The following CPEB1 variants were observed in gnomAD, a reference collection of about 807,000 sequenced individuals.
The protein encoded by CPEB1 is cytoplasmic polyadenylation element-binding protein 1.
In CPEB1, 7 loss-of-function variants were observed where a neutral mutation model predicts 65.8. That is an observed-to-expected ratio of 0.11 (90% CI 0.06 to 0.20). The LOEUF (loss-of-function observed/expected upper bound fraction) is 0.20. Ranked by LOEUF, CPEB1 falls within the 10% of genes least tolerant of loss-of-function variation. The pLI, the probability that CPEB1 is intolerant of heterozygous loss-of-function variation, is 1.00. For synonymous variants in CPEB1, 262 were observed against 260.0 expected (o/e 1.01, Z -0.08); for missense variants, 551 against 712.2 (o/e 0.77, Z 2.58).
chr15:82,571,243 G>T, intron 4 of CPEB1, 101 bp downstream of exon 4: 1 of 1,419,282 alleles, frequency 7.0e-7, no homozygotes, highest in Non-Finnish European at 9.4e-7. Flanking sequence ...GTATGGTGGG[G>T]AGTGATGCAA....
At chr15:82,625,528 C>T (rs1446141433) in intron 3 of CPEB1, among the ~76,000 whole-genome samples, 2 of 152,114 alleles carry the variant, frequency 1.3e-5, no homozygotes, top group African/African-American at 4.8e-5. Flanking sequence ...GGAATTGGTT[C>T]CAGGACCCCC....
chr15:82,591,009 T>A (rs1486086565), intron 3 of CPEB1, among the ~76,000 whole-genome samples: 1 of 152,238 alleles, frequency 6.6e-6, no homozygotes, highest in Non-Finnish European at 1.5e-5. Context: ...TAAAACGATT[T>A]ATATTCCTTT....
At chr15:82,571,707 G>C in intron 3 of CPEB1, 175 bp from the exon 4 acceptor site, 1 of 1,430,450 alleles carries the variant, frequency 7.0e-7, no homozygotes, top group Non-Finnish European at 9.1e-7. Flanking sequence ...GGCAAGAGCA[G>C]TTGCCATACA....
intron 6 of CPEB1, among the ~76,000 whole-genome samples, chr15:82,554,575 C>CCATT (rs2036861005): frequency 6.6e-6 from 1 of 152,218 alleles, no homozygotes; most frequent in Non-Finnish European, 1.5e-5. Flanking sequence ...CCCAAATAGA[C>CCATT]AATGGGCCTT....
chr15:82,557,404 A>C (rs1049803818), intron 5 of CPEB1: 6 of 230,182 alleles, frequency 2.6e-5, no homozygotes, highest in African/African-American at 1.3e-4. Context: ...CATAAATGAC[A>C]CTGTTTAAGG....
rs185094805 is a variant in CPEB1 at position 82,598,529 on chromosome 15, A to T, written c.272-26997T>A. 1.4e-4 allele frequency among the ~76,000 whole-genome samples: 22 copies of T among 152,092 alleles called. No homozygotes were observed. The East Asian group carries it at 3.5e-3, about 24-fold the overall frequency. The stretch of plus-strand genomic sequence containing the variant: ...GCTGGGCGCAGTGGTTCACGCCTAT[A>T]ATCTCAGTATTTTGGGAGGCGGAGG... On this transcript the variant is annotated intron_variant, in intron 3 of 12. Transcript: ENST00000684509.
chr15:82,557,837 C>A lies in CPEB1; in HGVS notation c.610G>T (p.Asp204Tyr). The change falls in exon 5 of 13, where the codon GAC becomes TAC. Residue 204 changes from aspartate to tyrosine, a missense_variant. Transcript: ENST00000684509. ...GSRLDTRPIL[D>Y]SRSSSPSDSD... ...TCAGAGGGGCTGCTAGATCGAGAGT[C>A]CAGGATGGGCCGGGTGTCCAGGCGT... 6.2e-7 allele frequency: 1 copy of A among 1,614,130 alleles called. No individual in the cohort carries two copies. The highest frequency in any genetic ancestry group is 8.5e-7 in the Non-Finnish European group (1 of 1,180,018).
intron 1 of CPEB1, chr15:82,630,195 C>T (rs1464163230): frequency 1.9e-5 from 12 of 623,836 alleles, no homozygotes; most frequent in Non-Finnish European, 2.2e-5. Context: ...CCTTGGCCTC[C>T]TGAGTAGCTG....
rs190719606 is a variant in CPEB1 at position 82,619,534 on chromosome 15, T to A, written c.271+7659A>T. ...ACTCAAAGAAAATAATTTTAATACA[T>A]ATTTCAGACAAAGAACTCATATGTG... On this transcript the variant is annotated intron_variant, in intron 3 of 12. Transcript: ENST00000684509. Among the ~76,000 whole-genome samples the A allele has an allele frequency of 1.0e-3, 158 of 152,290 alleles. 1 individual carries two copies. The highest frequency in any genetic ancestry group is 3.7e-3 in the African/African-American group (153 of 41,566).
intron 3 of CPEB1, among the ~76,000 whole-genome samples, chr15:82,584,613 G>A (rs2041602143): frequency 6.6e-6 from 1 of 150,416 alleles, no homozygotes; most frequent in South Asian, 2.1e-4. Flanking sequence ...GGGAGGAGGA[G>A]GTTACAGTGA....
chr15:82,628,289 T>C (rs555797882), intron 2 of CPEB1, 75 bp downstream of exon 2: 219 of 702,504 alleles, frequency 3.1e-4, no homozygotes, highest in African/African-American at 2.3e-3. Flanking sequence ...AAAGAAACTG[T>C]AGATATGACA....
rs544832950 is a variant in CPEB1, at chr15:82,610,334, G to A, written c.271+16859C>T. Among the ~76,000 whole-genome samples, 21 of 152,170 alleles carry A rather than the reference G, an allele frequency of 1.4e-4. No homozygotes were observed. In the South Asian group the frequency reaches 1.5e-3, roughly 11 times the overall value. On this transcript the variant is annotated intron_variant, in intron 3 of 12. Transcript: ENST00000684509. ...ATGTACTTTTCCAAAAAGCAGACGAGGAGGGAACACTTTACAACTCAGTCA... is the reference window on the plus strand; with the variant it reads ...ATGTACTTTTCCAAAAAGCAGACGAAGAGGGAACACTTTACAACTCAGTCA...
At chr15:82,600,356 C>G (rs891614439) in intron 3 of CPEB1, among the ~76,000 whole-genome samples, 1 of 152,036 alleles carries the variant, frequency 6.6e-6, no homozygotes, top group Non-Finnish European at 1.5e-5. Flanking sequence ...AAAGATCATT[C>G]ACTGCCAGCA....
intron 3 of CPEB1, among the ~76,000 whole-genome samples, chr15:82,620,282 G>A (rs894688690): frequency 2.0e-5 from 3 of 151,948 alleles, no homozygotes; most frequent in East Asian, 1.9e-4. Flanking sequence ...AAAATTAGCC[G>A]GGTGTGGTGG....
At chr15:82,628,307 G>T in intron 2 of CPEB1, 57 bp downstream of exon 2, 1 of 702,432 alleles carries the variant, frequency 1.4e-6, no homozygotes, top group East Asian at 2.7e-5. Context: ...ACAAAAAAAG[G>T]TTGGGAGTGA....
chr15:82,569,202 G>A (rs572558464), intron 4 of CPEB1, among the ~76,000 whole-genome samples: 11 of 152,282 alleles, frequency 7.2e-5, no homozygotes, highest in African/African-American at 2.6e-4. Context: ...GCTGGCTGGT[G>A]GGAGGGCTGC....
chr15:82,628,174 G>A, intron 2 of CPEB1, 190 bp downstream of exon 2: 6 of 699,476 alleles, frequency 8.6e-6, no homozygotes, highest in Non-Finnish European at 1.6e-5. Context: ...AAAAATCCAT[G>A]AAAGCCATCA....
At chr15:82,601,477 G>A (rs1268364247) in intron 3 of CPEB1, among the ~76,000 whole-genome samples, 2 of 152,016 alleles carry the variant, frequency 1.3e-5, no homozygotes, top group Non-Finnish European at 2.9e-5. Flanking sequence ...GGAGGCGGAG[G>A]TTGCAGTGAC....
intron 2 of CPEB1, among the ~76,000 whole-genome samples, chr15:82,627,867 T>G (rs1278056273): frequency 1.3e-5 from 2 of 152,190 alleles, no homozygotes; most frequent in African/African-American, 4.8e-5. Flanking sequence ...TTTTAATATA[T>G]TAAAACACTT....
Sources: gnomAD v4.1 joint callset for allele counts (sites outside exome capture counted in the v4.1 genomes callset) on GRCh38, gnomAD v4.1.1 for gene constraint, MANE v1.5 for transcripts, NCBI Gene and HGNC (gene_info 2026-07-23, HGNC 2026-07-21) for gene names.